The following FAT3 variants were observed in gnomAD, a reference collection of about 807,000 sequenced individuals.
FAT3 encodes protocadherin Fat 3.
Under a neutral mutation model 310.2 loss-of-function variants are expected in FAT3, and 95 were observed. The ratio of observed to expected loss-of-function variants is 0.31; its 90% CI spans 0.26 to 0.36. The LOEUF (loss-of-function observed/expected upper bound fraction) is 0.36. FAT3 is among the 10% of genes least tolerant of loss of function. The pLI is 1.00. For missense variants in FAT3, 5,408 were observed against 5,715.6 expected (o/e 0.95, Z 1.74); for synonymous variants, 2,314 against 2,192.9 (o/e 1.06, Z -1.54).
intron 3 of FAT3, among the ~76,000 whole-genome samples, chr11:92,632,159 G>A (rs1941579827): frequency 6.6e-6 from 1 of 152,194 alleles, no homozygotes; most frequent in Non-Finnish European, 1.5e-5. Context: ...GAACATCTGT[G>A]AAGACTTGTG....
At chr11:92,265,660 A>C (rs1434898376) in intron 1 of FAT3, among the ~76,000 whole-genome samples, 1 of 152,112 alleles carries the variant, frequency 6.6e-6, no homozygotes, top group Non-Finnish European at 1.5e-5. Context: ...GAGGCTGGTA[A>C]GTCCAAGGTC....
intron 4 of FAT3, chr11:92,748,996 G>A (rs1433924204): frequency 2.0e-5 from 3 of 152,162 alleles, no homozygotes; most frequent in Non-Finnish European, 2.9e-5. Context: ...AGACAAAAAG[G>A]TCTGAATTCC....
chr11:92,798,830 T>A lies in FAT3; in HGVS notation c.5817T>A (p.Leu1939=). The part of the protein sequence containing the change: ...HFLIDSNSGV[L]TIKNNNLSKD... ...TAATTGACTCAAACAGTGGAGTACT[T>A]ACCATAAAAAACAACAACCTCTCCA... The change falls in exon 10 of 28, where the codon CTT becomes CTA. Residue 1939 remains leucine (L), a synonymous_variant. Coordinates refer to ENST00000525166, the MANE Select transcript of FAT3 (RefSeq NM_001367949.2). 8 of 1,613,900 alleles carry A rather than the reference T, an allele frequency of 5.0e-6. No individual in the cohort carries two copies. The highest frequency in any genetic ancestry group is 6.8e-6 in the Non-Finnish European group (8 of 1,179,868).
At chr11:92,304,630 G>A (rs1947075872) in intron 1 of FAT3, among the ~76,000 whole-genome samples, 1 of 152,108 alleles carries the variant, frequency 6.6e-6, no homozygotes, top group African/African-American at 2.4e-5. Flanking sequence ...AAAATGACTG[G>A]TCTCTGGGTC....
chr11:92,287,912 G>A (rs1946598494), intron 1 of FAT3, among the ~76,000 whole-genome samples: 3 of 152,090 alleles, frequency 2.0e-5, no homozygotes, highest in Admixed American at 2.0e-4. Flanking sequence ...AGTGGCCTAA[G>A]TTTGGAGCCG....
At chr11:92,467,627 G>T (rs1951799902) in intron 2 of FAT3, among the ~76,000 whole-genome samples, 1 of 152,134 alleles carries the variant, frequency 6.6e-6, no homozygotes, top group Non-Finnish European at 1.5e-5. Context: ...GTGTTGGTCT[G>T]TCATGCATCC....
rs762879182 is a variant in FAT3, at chr11:92,890,710, C to T, written c.13367C>T (p.Pro4456Leu). Reference protein sequence around the residue: ...LSQDQLPPPLPEDFPDQYEAL... With the variant: ...LSQDQLPPPLLEDFPDQYEAL... Reference sequence around the variant, plus strand: ...CAGGACCAGCTGCCTCCTCCTCTCCCGGAGGACTTCCCAGACCAATATGAG... The same window carrying T: ...CAGGACCAGCTGCCTCCTCCTCTCCTGGAGGACTTCCCAGACCAATATGAG... The change falls in exon 28 of 28, where the codon CCG (proline) becomes CTG (leucine). Residue 4456 changes from proline to leucine, a missense_variant. Physicochemically the swap from Pro to Leu is moderately conservative, Grantham distance 98 (BLOSUM62 -3). Coordinates refer to ENST00000525166, the MANE Select transcript of FAT3 (RefSeq NM_001367949.2). 45 of 1,613,432 alleles carry T rather than the reference C, an allele frequency of 2.8e-5. No homozygotes were observed. The highest frequency in any genetic ancestry group is 1.1e-4 in the East Asian group (5 of 44,854).
intron 4 of FAT3, among the ~76,000 whole-genome samples, chr11:92,737,969 C>T (rs1210196362): frequency 2.0e-5 from 3 of 152,142 alleles, no homozygotes; most frequent in Non-Finnish European, 4.4e-5. Flanking sequence ...TCATTGTTCT[C>T]ATTGAGACAG....
rs993103661 is a variant in FAT3 at position 92,857,247 on chromosome 11, T to G, written c.11399T>G (p.Val3800Gly). ...TGTCCGGGGTCCAACGATCCTTGTG[T>G]GGAGAAGCCGTGTCCAGGGGACATG... is the stretch of plus-strand genomic sequence containing the variant. ...GLCPGSNDPC[V>G]EKPCPGDMQC... The change falls in exon 20 of 28, where the codon GTG (valine) becomes GGG (glycine). Residue 3800 changes from valine (V) to glycine (G), a missense_variant. Val to Gly is a moderately radical substitution (Grantham distance 109, BLOSUM62 -3). Around this residue, in one of 5 missense-constraint regions of FAT3, gnomAD observed 4,588 missense variants for 4,809.8 expected, o/e 0.95. Transcript: ENST00000525166. 6.2e-7 allele frequency: 1 copy of G among 1,613,876 alleles called. No homozygotes were observed. Among genetic ancestry groups the G allele is most frequent in the Non-Finnish European group, 8.5e-7 (1 of 1,179,908 alleles).
chr11:92,412,452 A>G (rs1202139783), intron 2 of FAT3, among the ~76,000 whole-genome samples: 7 of 131,948 alleles, frequency 5.3e-5, no homozygotes, highest in Non-Finnish European at 1.1e-4. Context: ...CGCAGAATGT[A>G]TAGTAGGATT....
At chr11:92,438,970 A>G (rs929344131) in intron 2 of FAT3, among the ~76,000 whole-genome samples, 4 of 152,218 alleles carry the variant, frequency 2.6e-5, no homozygotes, top group African/African-American at 4.8e-5. Context: ...CAATCATTCC[A>G]TCTCAGGCAT....
At chr11:92,382,907 G>C (rs1185516040) in intron 2 of FAT3, among the ~76,000 whole-genome samples, 1 of 152,144 alleles carries the variant, frequency 6.6e-6, no homozygotes. Context: ...TGTGTGCCAT[G>C]GTGGTTTGCT....
At chr11:92,610,710 T>C (rs939088234) in intron 3 of FAT3, among the ~76,000 whole-genome samples, 2 of 152,234 alleles carry the variant, frequency 1.3e-5, no homozygotes, top group East Asian at 3.9e-4. Context: ...CTTATCATAA[T>C]TGAAATGATA....
chr11:92,580,264 C>T (rs1938716561), intron 3 of FAT3, among the ~76,000 whole-genome samples: 1 of 151,986 alleles, frequency 6.6e-6, no homozygotes, highest in Admixed American at 6.6e-5. Flanking sequence ...TACTTAGATG[C>T]CTCAATATAT....
rs1369787350 is a variant in FAT3 at position 92,524,747 on chromosome 11, A to G, written c.3406A>G (p.Ile1136Val). 6 of 1,613,840 alleles carry G rather than the reference A, an allele frequency of 3.7e-6. No homozygotes were observed. The highest frequency in any genetic ancestry group is 4.2e-6 in the Non-Finnish European group (5 of 1,179,830). ...VPLYSTIEVY[I>V]EVEDVNDNAP... ...ACTCTACTCCACCATTGAGGTCTAC[A>G]TTGAAGTTGAAGATGTGAATGACAA... is the stretch of plus-strand genomic sequence containing the variant. The change falls in exon 3 of 28, where the codon ATT (isoleucine) becomes GTT (valine). Residue 1136 changes from isoleucine (I) to valine (V), a missense_variant. Ile to Val is a conservative substitution (Grantham distance 29). Around this residue, in one of 5 missense-constraint regions of FAT3, gnomAD observed 4,588 missense variants for 4,809.8 expected, o/e 0.95. Transcript: ENST00000525166.
Position 92,293,898 on chromosome 11 carries a change from G to A in FAT3, c.-17-58198G>A, listed in dbSNP as rs371928219. On this transcript the variant is annotated intron_variant, in intron 1 of 27. Transcript: ENST00000525166. ...ATTTGAGAAGAGGAAAGGCAGTATT[G>A]GGCTAAAGCCACTTGCGTGCAAGTA... Among the ~76,000 whole-genome samples, 14 of 152,098 alleles carry A rather than the reference G, an allele frequency of 9.2e-5. 1 individual carries two copies. Among genetic ancestry groups the A allele is most frequent in the Admixed American group, 6.5e-4 (10 of 15,274 alleles).
chr11:92,229,489 C>CTTTTTT (rs1565339181), intron 1 of FAT3, among the ~76,000 whole-genome samples: 1 of 48,630 alleles, frequency 2.1e-5, no homozygotes. Flanking sequence ...TTTGTTTTTT[C>CTTTTTT]GTGTTTTTTT....
chr11:92,767,704 A>G (rs1946350636), intron 6 of FAT3, among the ~76,000 whole-genome samples: 1 of 152,204 alleles, frequency 6.6e-6, no homozygotes, highest in Non-Finnish European at 1.5e-5. Flanking sequence ...TCATGTCAGC[A>G]TGATGAGTGC....
chr11:92,450,236 G>A (rs529499524), intron 2 of FAT3, among the ~76,000 whole-genome samples: 36 of 152,184 alleles, frequency 2.4e-4, no homozygotes, highest in Non-Finnish European at 4.7e-4. Context: ...TGGTTAACAT[G>A]ATGTTTAATA....
Sources: allele counts gnomAD v4.1 joint callset (sites outside exome capture counted in the v4.1 genomes callset), GRCh38; gene constraint gnomAD v4.1.1; regional missense constraint gnomAD v4.1.1; transcripts MANE v1.5; gene names NCBI Gene and HGNC (gene_info 2026-07-23, HGNC 2026-07-21).